Variants in PKIB observed in about 807,000 individuals in gnomAD.
PKIB encodes the protein cAMP-dependent protein kinase inhibitor beta.
A neutral mutation model predicts 4.5 loss-of-function variants in PKIB; 2 were observed. The observed-to-expected ratio is 0.44, with a 90% CI of 0.18 to 1.39. The LOEUF (loss-of-function observed/expected upper bound fraction) is 1.39, where lower values mean the gene tolerates loss of function less well. Ranked by LOEUF, PKIB falls within the 40% of genes most tolerant of loss-of-function variation. The pLI, the probability that PKIB is intolerant of heterozygous loss-of-function variation, is 0.27. For synonymous variants in PKIB, 38 were observed against 36.0 expected, an observed-to-expected ratio of 1.06 and a Z score of -0.20; for missense variants, 94 against 92.6, an observed-to-expected ratio of 1.02 and a Z score of -0.06.
In PKIB at chr6:122,571,441, G is replaced by A. The variant is rs149185171; in HGVS notation, c.-247-14480G>A. Among the ~76,000 whole-genome samples the A allele has an allele frequency of 3.5e-4, 53 of 152,214 alleles. 1 individual carries two copies. In the South Asian group the frequency reaches 8.1e-3, roughly 23 times the overall value. ...TGCAAAAAGATTATCACCAAAGCAC[G>A]TAGTCATTAAGCTATCTAAAGCCAA... On this transcript the variant is annotated intron_variant, in intron 2 of 6. Coordinates refer to the PKIB transcript ENST00000392491.
At chr6:122,581,264 T>C (rs375489872) in intron 2 of PKIB, among the ~76,000 whole-genome samples, 17 of 152,186 alleles carry the variant, frequency 1.1e-4, no homozygotes, top group African/African-American at 3.9e-4. Flanking sequence ...GGTATTGCAA[T>C]GTAAGATTTC....
intron 2 of PKIB, among the ~76,000 whole-genome samples, chr6:122,526,304 C>A (rs1375409768): frequency 6.6e-6 from 1 of 152,142 alleles, no homozygotes; most frequent in African/African-American, 2.4e-5. Context: ...CCGTGAATTA[C>A]AAACGTTCTT....
chr6:122,514,777 G>A (rs564624032), intron 2 of PKIB, among the ~76,000 whole-genome samples: 1 of 152,242 alleles, frequency 6.6e-6, no homozygotes, highest in African/African-American at 2.4e-5. Context: ...GTGGAAAGGG[G>A]AGAAGGGAGC....
intron 2 of PKIB, among the ~76,000 whole-genome samples, chr6:122,551,518 AC>A (rs1772673502): frequency 6.6e-6 from 1 of 152,006 alleles, no homozygotes; most frequent in Admixed American, 6.6e-5. Context: ...TTCTTCTCCC[AC>A]TAAGGTCTTT....
chr6:122,534,007 C>G (rs1436429258), intron 2 of PKIB, among the ~76,000 whole-genome samples: 1 of 151,898 alleles, frequency 6.6e-6, no homozygotes, highest in African/African-American at 2.4e-5. Flanking sequence ...CTTACCTCCT[C>G]TCTCCCCCAA....
intron 3 of PKIB, among the ~76,000 whole-genome samples, chr6:122,710,953 A>C (rs1016309976): frequency 1.8e-4 from 27 of 152,204 alleles, no homozygotes; most frequent in Non-Finnish European, 3.7e-4. Context: ...AAGAATGAGA[A>C]GGGTTTCTTC....
chr6:122,566,139 CT>C (rs1374535815), intron 2 of PKIB, among the ~76,000 whole-genome samples: 1 of 151,774 alleles, frequency 6.6e-6, no homozygotes, highest in Non-Finnish European at 1.5e-5. Flanking sequence ...GGGTGTTGGA[CT>C]TTTAGTAGAC....
intron 2 of PKIB, among the ~76,000 whole-genome samples, chr6:122,500,537 G>A (rs549004531): frequency 1.4e-3 from 211 of 152,238 alleles, no homozygotes; most frequent in African/African-American, 4.9e-3. Flanking sequence ...CACAAACAAT[G>A]CTGTCCAAGA....
At chr6:122,527,793 G>A (rs1777137212) in intron 2 of PKIB, among the ~76,000 whole-genome samples, 1 of 152,140 alleles carries the variant, frequency 6.6e-6, no homozygotes, top group Non-Finnish European at 1.5e-5. Context: ...TAAGAAAAAT[G>A]GTTTCAATAG....
intron 2 of PKIB, among the ~76,000 whole-genome samples, chr6:122,506,542 T>C (rs1167195671): frequency 6.6e-6 from 1 of 152,120 alleles, no homozygotes; most frequent in Non-Finnish European, 1.5e-5. Flanking sequence ...GTGTAAGTAG[T>C]GTCATCTTTT....
At chr6:122,563,849 AG>A (rs1198537756) in intron 2 of PKIB, among the ~76,000 whole-genome samples, 1 of 152,116 alleles carries the variant, frequency 6.6e-6, no homozygotes, top group Non-Finnish European at 1.5e-5. Context: ...TTCCAGGCAG[AG>A]GGGAAGACAG....
chr6:122,641,604 A>T (rs1776124167), intron 2 of PKIB, among the ~76,000 whole-genome samples: 1 of 152,176 alleles, frequency 6.6e-6, no homozygotes, highest in Non-Finnish European at 1.5e-5. Context: ...AATAATTAGG[A>T]GGCCATTCAT....
intron 2 of PKIB, among the ~76,000 whole-genome samples, chr6:122,526,189 T>A (rs1256741916): frequency 6.6e-6 from 1 of 152,162 alleles, no homozygotes; most frequent in East Asian, 1.9e-4. Context: ...TTTACCACTT[T>A]TTTAGTTATT....
chr6:122,550,847 G>A lies in PKIB; in HGVS notation c.-247-35074G>A, dbSNP rs1437279595. On this transcript the variant is annotated intron_variant, in intron 2 of 6. Transcript: ENST00000392491. ...TTATTTCTTGAGAAAGAGTGCATGA[G>A]AAATACAATATTTGAGAGTATGCAT... Among the ~76,000 whole-genome samples, 5 of 152,230 alleles carry A rather than the reference G, an allele frequency of 3.3e-5. No individual in the cohort carries two copies. The East Asian group carries it at 9.7e-4, about 29-fold the overall frequency.
chr6:122,561,994 G>GTTTTTGT (rs1773031340), intron 2 of PKIB, among the ~76,000 whole-genome samples: 4 of 40,902 alleles, frequency 9.8e-5, no homozygotes, highest in East Asian at 8.7e-4. Flanking sequence ...GTTTGTTTTT[G>GTTTTTGT]TTTTTTTTTG....
intron 2 of PKIB, among the ~76,000 whole-genome samples, chr6:122,522,169 G>T (rs934357954): frequency 6.6e-6 from 1 of 151,920 alleles, no homozygotes; most frequent in African/African-American, 2.4e-5. Flanking sequence ...CATAAAGCGA[G>T]AAATGCACAT....
intron 2 of PKIB, among the ~76,000 whole-genome samples, chr6:122,661,368 G>A (rs1776984723): frequency 6.6e-6 from 1 of 151,898 alleles, no homozygotes; most frequent in South Asian, 2.1e-4. Flanking sequence ...CAAAGCCTAG[G>A]GACTCCCTCT....
At chr6:122,595,254 T>G (rs1249384315) in intron 3 of PKIB, among the ~76,000 whole-genome samples, 1 of 152,150 alleles carries the variant, frequency 6.6e-6, no homozygotes, top group East Asian at 1.9e-4. Flanking sequence ...CTGGAGAACT[T>G]TTCCCTAGCC....
chr6:122,530,256 CT>C (rs1275330753), intron 2 of PKIB, among the ~76,000 whole-genome samples: 2 of 152,022 alleles, frequency 1.3e-5, no homozygotes, highest in Non-Finnish European at 2.9e-5. Context: ...AAATTTTCAG[CT>C]CCAGAATTTC....
Sources: gnomAD v4.1 joint callset for allele counts (sites outside exome capture counted in the v4.1 genomes callset) on GRCh38, gnomAD v4.1.1 for gene constraint, MANE v1.5 for transcripts, NCBI Gene and HGNC (gene_info 2026-07-23, HGNC 2026-07-21) for gene names.